AKAP12: variants seen among roughly 807,000 people sequenced by gnomAD.
The protein encoded by AKAP12 is A-kinase anchoring protein 12, also known as A-kinase anchor protein 12.
In AKAP12, 32 loss-of-function variants were observed where a neutral mutation model predicts 79.9. That is an observed-to-expected ratio of 0.40 (90% confidence interval 0.30 to 0.54). The LOEUF is 0.54. Ranked by LOEUF, AKAP12 falls within the 20% of genes least tolerant of loss-of-function variation. AKAP12 has a pLI of 0.48. For missense variants in AKAP12, 2,074 were observed against 2,177.0 expected (o/e 0.95, Z 0.94); for synonymous variants, 808 against 857.0 (o/e 0.94, Z 1.00).
chr6:151,297,591 G>C (rs1346402361), intron 2 of AKAP12, among the ~76,000 whole-genome samples: 1 of 145,656 alleles, frequency 6.9e-6, no homozygotes, highest in Non-Finnish European at 1.5e-5. Flanking sequence ...AAAAAAAAAA[G>C]GCTACTGTGT....
intron 2 of AKAP12, among the ~76,000 whole-genome samples, chr6:151,300,460 T>C (rs892882222): frequency 6.6e-6 from 1 of 152,164 alleles, no homozygotes; most frequent in Non-Finnish European, 1.5e-5. Context: ...TTTGGTTGGC[T>C]TACCTCCTCT....
intron 3 of AKAP12, chr6:151,341,740 G>A (rs747693779): frequency 5.5e-6 from 7 of 1,277,598 alleles, no homozygotes; most frequent in Non-Finnish European, 7.1e-6. Flanking sequence ...TGGCGGACAC[G>A]GAATCCCGAG....
At chr6:151,274,468 G>A (rs903223358) in intron 2 of AKAP12, among the ~76,000 whole-genome samples, 2 of 152,114 alleles carry the variant, frequency 1.3e-5, no homozygotes, top group African/African-American at 4.8e-5. Flanking sequence ...TAAAATTATA[G>A]ATCATGATTT....
chr6:151,285,260 C>T (rs1240524728), intron 2 of AKAP12, among the ~76,000 whole-genome samples: 6 of 152,170 alleles, frequency 3.9e-5, no homozygotes, highest in Non-Finnish European at 7.3e-5. Context: ...AACTATTTTT[C>T]CCATTGTCAT....
At chr6:151,326,051 G>A (rs760798178) in intron 3 of AKAP12, among the ~76,000 whole-genome samples, 5 of 152,194 alleles carry the variant, frequency 3.3e-5, no homozygotes, top group Non-Finnish European at 7.3e-5. Context: ...TTCTTCAGAA[G>A]AACATTCTCC....
Position 151,350,036 on chromosome 6 carries a change from C to T in AKAP12, c.1645C>T (p.Gln549Ter), listed in dbSNP as rs760233737. 6.2e-7 allele frequency: 1 copy of T among 1,614,070 alleles called. No individual in the cohort carries two copies. Among genetic ancestry groups the T allele is most frequent in the East Asian group, 2.2e-5 (1 of 44,856 alleles). The change falls in exon 4 of 5, where the codon CAG becomes TAG. Residue 549 changes from glutamine (Q) to a stop codon, truncating the protein, a stop_gained. Coordinates refer to ENST00000402676, the MANE Select transcript of AKAP12 (RefSeq NM_005100.4). LOFTEE classifies it high-confidence loss of function. The surrounding 1 kb of genome is among the most constrained non-coding windows in gnomAD (Gnocchi z 4.8). ...AGACGAGGAATCAGGGGAGCACACTCAGGTTCCAGCCGATTCTCCGGACAG... is the reference window on the plus strand; with the variant it reads ...AGACGAGGAATCAGGGGAGCACACTTAGGTTCCAGCCGATTCTCCGGACAG... ...GGDEESGEHT[Q>*]VPADSPDSQE... is the part of the protein sequence containing the mutation.
intron 2 of AKAP12, among the ~76,000 whole-genome samples, chr6:151,255,824 C>T (rs1474439730): frequency 6.6e-6 from 1 of 152,092 alleles, no homozygotes; most frequent in Non-Finnish European, 1.5e-5. Context: ...AAAGCAAGCG[C>T]TAATGGACAA....
intron 2 of AKAP12, among the ~76,000 whole-genome samples, chr6:151,294,001 G>T (rs1209523584): frequency 1.3e-5 from 2 of 150,918 alleles, no homozygotes; most frequent in Non-Finnish European, 2.9e-5. Context: ...TTGAGGCGAG[G>T]TCTTGCTCTG....
intron 3 of AKAP12, among the ~76,000 whole-genome samples, chr6:151,316,663 C>G (rs1287006675): frequency 6.6e-6 from 1 of 152,180 alleles, no homozygotes; most frequent in African/African-American, 2.4e-5. Context: ...CACGGTATCG[C>G]TCTGTCACCC....
chr6:151,308,164 C>T (rs925853296), intron 3 of AKAP12, among the ~76,000 whole-genome samples: 3 of 152,104 alleles, frequency 2.0e-5, no homozygotes, highest in African/African-American at 7.2e-5. Flanking sequence ...TGTGAGCCGC[C>T]ACGCCCAGCT....
At chr6:151,258,926 CTGTGTGTG>C (rs35650826) in intron 2 of AKAP12, among the ~76,000 whole-genome samples, 20 of 148,070 alleles carry the variant, frequency 1.4e-4, no homozygotes, top group African/African-American at 4.0e-4. Flanking sequence ...TGTGCCCAGC[CTGTGTGTG>C]TGTGTGTGTG....
At chr6:151,327,160 TAAA>T in intron 3 of AKAP12, among the ~76,000 whole-genome samples, 1 of 151,260 alleles carries the variant, frequency 6.6e-6, no homozygotes, top group African/African-American at 2.4e-5. Context: ...TTCTAGGACT[TAAA>T]ATTTTCTCAA....
intron 3 of AKAP12, among the ~76,000 whole-genome samples, chr6:151,336,166 C>T (rs554151469): frequency 1.3e-5 from 2 of 152,252 alleles, no homozygotes; most frequent in South Asian, 4.1e-4. Flanking sequence ...TCCAGTCAAA[C>T]TTTGATGGAC....
intron 2 of AKAP12, among the ~76,000 whole-genome samples, chr6:151,287,477 T>A (rs1274533179): frequency 1.3e-5 from 2 of 152,122 alleles, no homozygotes; most frequent in African/African-American, 2.4e-5. Flanking sequence ...CTCAGGCTAG[T>A]GTCTAACTCT....
chr6:151,310,658 G>C (rs1441362910), intron 3 of AKAP12, among the ~76,000 whole-genome samples: 1 of 151,498 alleles, frequency 6.6e-6, no homozygotes, highest in Non-Finnish European at 1.5e-5. Context: ...TTTTTTCCCC[G>C]AACAGTTGAG....
At chr6:151,334,444 A>T (rs912518531) in intron 3 of AKAP12, among the ~76,000 whole-genome samples, 3 of 151,944 alleles carry the variant, frequency 2.0e-5, no homozygotes, top group African/African-American at 2.4e-5. Context: ...AGATAGAAAT[A>T]TTTAGCGGGG....
intron 3 of AKAP12, chr6:151,319,958 GT>G: frequency 6.6e-6 from 1 of 152,296 alleles, no homozygotes; most frequent in Non-Finnish European, 1.5e-5. Flanking sequence ...GACCCTACTG[GT>G]TTTTGGCTTC....
intron 3 of AKAP12, among the ~76,000 whole-genome samples, chr6:151,321,457 G>C (rs549183762): frequency 2.0e-5 from 3 of 151,994 alleles, no homozygotes; most frequent in South Asian, 2.1e-4. Context: ...TTGGTGACTA[G>C]CTTCTTTCAC....
chr6:151,331,810 G>A (rs1487736043), intron 3 of AKAP12, among the ~76,000 whole-genome samples: 3 of 151,476 alleles, frequency 2.0e-5, no homozygotes, highest in Non-Finnish European at 2.9e-5. Flanking sequence ...GCATGAACCT[G>A]GGAGGTGGAG....
Sources: allele counts gnomAD v4.1 joint callset (sites outside exome capture counted in the v4.1 genomes callset), GRCh38; gene constraint gnomAD v4.1.1; non-coding constraint Gnocchi (gnomAD v3.1); transcripts MANE v1.5; gene names NCBI Gene and HGNC (gene_info 2026-07-23, HGNC 2026-07-21).